The following NELL1 variants were observed in gnomAD, a reference collection of about 807,000 sequenced individuals.
The protein encoded by NELL1 is neural EGFL like 1, also known as protein kinase C-binding protein NELL1.
In NELL1, 76 loss-of-function variants were observed where a neutral mutation model predicts 107.4. The ratio of observed to expected loss-of-function variants is 0.71; its 90% confidence interval spans 0.59 to 0.86. The LOEUF (loss-of-function observed/expected upper bound fraction) is 0.86. NELL1 is among the 40% of genes least tolerant of loss of function. The pLI, the probability that NELL1 is intolerant of heterozygous loss-of-function variation, is 0.00. For synonymous variants in NELL1, 353 were observed against 341.2 expected (o/e 1.03, Z -0.38); for missense variants, 1,024 against 1,005.5 (o/e 1.02, Z -0.25).
intron 12 of NELL1, among the ~76,000 whole-genome samples, chr11:21,108,093 G>T (rs1855013335): frequency 6.6e-6 from 1 of 152,152 alleles, no homozygotes; most frequent in Non-Finnish European, 1.5e-5. Context: ...AAGAGCTGTT[G>T]ATCTTCTTTC....
At chr11:21,215,232 C>T (rs1395945829) in intron 13 of NELL1, among the ~76,000 whole-genome samples, 1 of 152,104 alleles carries the variant, frequency 6.6e-6, no homozygotes, top group Non-Finnish European at 1.5e-5. Flanking sequence ...TCTCACTTCT[C>T]CTTGTGGCCA....
intron 14 of NELL1, among the ~76,000 whole-genome samples, chr11:21,316,397 T>G (rs1460420396): frequency 6.6e-6 from 1 of 152,198 alleles, no homozygotes; most frequent in Non-Finnish European, 1.5e-5. Context: ...TTGAAAACAC[T>G]TAAAAAGAAG....
rs886665235 is a variant in NELL1, at chr11:21,072,541, G to A, written c.1301-41048G>A. Among the ~76,000 whole-genome samples, 128 of 152,130 alleles carry A rather than the reference G, an allele frequency of 8.4e-4. 1 individual carries two copies. Among genetic ancestry groups the A allele is most frequent in the African/African-American group, 2.7e-3 (113 of 41,434 alleles). Reference sequence around the variant, plus strand: ...GCTGCAAGTTCTTGGCATTTTCTATGAGGAATATAGCACAGTAACAATTCT... The same window carrying A: ...GCTGCAAGTTCTTGGCATTTTCTATAAGGAATATAGCACAGTAACAATTCT... On this transcript the variant is annotated intron_variant, in intron 12 of 19. Transcript: ENST00000357134.
At chr11:21,391,271 T>C (rs1459056739) in intron 15 of NELL1, among the ~76,000 whole-genome samples, 1 of 151,810 alleles carries the variant, frequency 6.6e-6, no homozygotes. Flanking sequence ...TACCTTTCTC[T>C]CTCTGAGAAA....
chr11:21,335,328 C>CCT (rs894759876), intron 14 of NELL1, among the ~76,000 whole-genome samples: 3 of 151,394 alleles, frequency 2.0e-5, no homozygotes, highest in Admixed American at 6.6e-5. Context: ...TTAACTATTT[C>CCT]CTCTCTCTCT....
rs1857146013 is a variant in NELL1 at position 21,573,262 on chromosome 11, T to G, written c.2235T>G (p.Cys745Trp). The G allele has an allele frequency of 6.2e-7, 1 of 1,612,380 alleles. No homozygotes were observed. The highest frequency in any genetic ancestry group is 8.5e-7 in the Non-Finnish European group (1 of 1,179,054). The change falls in exon 19 of 20, where the codon TGT becomes TGG. Residue 745 changes from cysteine (C) to tryptophan (W), a missense_variant. Transcript: ENST00000357134. Reference protein sequence around the residue: ...CEYTAILEGECCPRCVSDPCL... With the variant: ...CEYTAILEGEWCPRCVSDPCL... ...ATACAGCTATCTTAGAAGGGGAATG[T>G]TGTCCCCGCTGTGTCAGTGACCCCT...
intron 13 of NELL1, among the ~76,000 whole-genome samples, chr11:21,155,364 T>A (rs1856208950): frequency 6.6e-6 from 1 of 152,104 alleles, no homozygotes; most frequent in South Asian, 2.1e-4. Flanking sequence ...TAGAGATGTA[T>A]ATTTGGATGT....
At chr11:21,400,088 C>A (rs1852065213) in intron 15 of NELL1, among the ~76,000 whole-genome samples, 1 of 151,820 alleles carries the variant, frequency 6.6e-6, no homozygotes, top group African/African-American at 2.4e-5. Flanking sequence ...ACTTTTAATT[C>A]TGTTTTTCCC....
intron 14 of NELL1, among the ~76,000 whole-genome samples, chr11:21,343,461 G>C (rs1850619883): frequency 6.6e-6 from 1 of 151,972 alleles, no homozygotes; most frequent in Non-Finnish European, 1.5e-5. Context: ...CCTTTGGAAA[G>C]CTTAGGTACC....
intron 12 of NELL1, among the ~76,000 whole-genome samples, chr11:21,044,204 G>A (rs1305524397): frequency 6.6e-6 from 1 of 152,160 alleles, no homozygotes; most frequent in Non-Finnish European, 1.5e-5. Context: ...TAGCAAGAAA[G>A]CAGCAGCAGG....
intron 2 of NELL1, among the ~76,000 whole-genome samples, chr11:20,777,902 C>T (rs1482888807): frequency 6.6e-6 from 1 of 152,188 alleles, no homozygotes; most frequent in Non-Finnish European, 1.5e-5. Flanking sequence ...GGTGGGGATT[C>T]TGCCTCTTGG....
intron 2 of NELL1, among the ~76,000 whole-genome samples, chr11:20,741,614 A>G (rs888789692): frequency 5.3e-5 from 8 of 152,166 alleles, no homozygotes; most frequent in African/African-American, 1.9e-4. Flanking sequence ...AGAACTTTTC[A>G]GAGATTAGAG....
intron 12 of NELL1, among the ~76,000 whole-genome samples, chr11:21,009,398 C>T (rs574939680): frequency 2.6e-4 from 40 of 152,204 alleles, no homozygotes; most frequent in Middle Eastern, 3.4e-3. Context: ...TGCTTGTGTT[C>T]GTGGTGCTCA....
At chr11:21,286,738 G>A (rs918234737) in intron 14 of NELL1, among the ~76,000 whole-genome samples, 7 of 152,148 alleles carry the variant, frequency 4.6e-5, no homozygotes, top group Non-Finnish European at 4.4e-5. Context: ...GTACACCATA[G>A]TAAAATTTTT....
chr11:20,914,701 C>G (rs1347202717), intron 5 of NELL1, among the ~76,000 whole-genome samples: 3 of 151,970 alleles, frequency 2.0e-5, no homozygotes, highest in Non-Finnish European at 2.9e-5. Flanking sequence ...GGGCTTAGAA[C>G]TTTATTTTTG....
Position 21,367,278 on chromosome 11 carries a change from A to G in NELL1, c.1550-3575A>G, listed in dbSNP as rs796453188. ...TATCTTACTACACACACACACACAC[A>G]CACACACACACACACACACACACAA... On this transcript the variant is annotated intron_variant, in intron 14 of 19. Coordinates refer to ENST00000357134, the MANE Select transcript of NELL1 (RefSeq NM_006157.5). Among the ~76,000 whole-genome samples the G allele has an allele frequency of 3.3e-5, 5 of 150,042 alleles. No homozygotes were observed. In the South Asian group the frequency reaches 6.3e-4, roughly 19 times the overall value.
rs544975688 is a variant in NELL1 at position 21,292,545 on chromosome 11, C to A, written c.1549+63091C>A. On this transcript the variant is annotated intron_variant, in intron 14 of 19. Transcript: ENST00000357134. ...TTCAATGCTCTCCCCATAAAGCTAC[C>A]ATTGACTTTCTTCACAGAGTTAGAA... Among the ~76,000 whole-genome samples the A allele has an allele frequency of 5.3e-5, 8 of 152,230 alleles. No homozygotes were observed. The East Asian group carries it at 1.5e-3, about 29-fold the overall frequency.
At chr11:21,286,313 A>G (rs550359664) in intron 14 of NELL1, among the ~76,000 whole-genome samples, 1 of 152,350 alleles carries the variant, frequency 6.6e-6, no homozygotes, top group Non-Finnish European at 1.5e-5. Flanking sequence ...GAAAGAGTCT[A>G]TGTATAAAAT....
At chr11:21,095,818 C>A (rs917797210) in intron 12 of NELL1, among the ~76,000 whole-genome samples, 2 of 152,124 alleles carry the variant, frequency 1.3e-5, no homozygotes, top group African/African-American at 4.8e-5. Flanking sequence ...GCATGTTGGT[C>A]AGGCTGGTCT....
Sources: gnomAD v4.1 joint callset for allele counts (sites outside exome capture counted in the v4.1 genomes callset) on GRCh38, gnomAD v4.1.1 for gene constraint, MANE v1.5 for transcripts, NCBI Gene and HGNC (gene_info 2026-07-23, HGNC 2026-07-21) for gene names.